SLC35F4: variants seen among roughly 807,000 people sequenced by gnomAD.
SLC35F4 encodes the protein solute carrier family 35 member F4, also known as chromosome 14 open reading frame 36.
A neutral mutation model predicts 44.2 loss-of-function variants in SLC35F4; 24 were observed. That is an observed-to-expected ratio of 0.54 (90% CI 0.39 to 0.76). The LOEUF (loss-of-function observed/expected upper bound fraction) is 0.76. Ranked by LOEUF, SLC35F4 falls within the 30% of genes least tolerant of loss-of-function variation. SLC35F4 has a pLI of 0.00. For synonymous variants in SLC35F4, 238 were observed against 223.6 expected, an observed-to-expected ratio of 1.06 and a Z score of -0.57; for missense variants, 562 against 586.1, an observed-to-expected ratio of 0.96 and a Z score of 0.42.
At chr14:57,627,475 A>T (rs2072533008) in intron 1 of SLC35F4, among the ~76,000 whole-genome samples, 1 of 150,100 alleles carries the variant, frequency 6.7e-6, no homozygotes, top group African/African-American at 2.5e-5. Context: ...CTAATTGCTT[A>T]TGGAATTATA....
At chr14:57,855,700 A>C (rs567547787) in intron 1 of SLC35F4, among the ~76,000 whole-genome samples, 60 of 152,346 alleles carry the variant, frequency 3.9e-4, no homozygotes, top group Non-Finnish European at 5.7e-4. Context: ...TATATACCCA[A>C]AAGATTATAA....
intron 6 of SLC35F4, among the ~76,000 whole-genome samples, chr14:57,568,580 T>C (rs1255429518): frequency 1.3e-5 from 2 of 152,164 alleles, no homozygotes; most frequent in African/African-American, 2.4e-5. Flanking sequence ...CAACAATTAA[T>C]GTTTGATCCT....
chr14:57,759,768 T>C (rs1372446599), intron 1 of SLC35F4, among the ~76,000 whole-genome samples: 1 of 152,152 alleles, frequency 6.6e-6, no homozygotes, highest in African/African-American at 2.4e-5. Context: ...TGATTAGTAA[T>C]GTTGAGCATC....
intron 1 of SLC35F4, among the ~76,000 whole-genome samples, chr14:57,863,754 C>T (rs577295261): frequency 9.9e-5 from 15 of 152,270 alleles, no homozygotes; most frequent in African/African-American, 3.1e-4. Context: ...TCTCTACTTC[C>T]GAAAGCATGA....
At chr14:57,948,747 C>T (rs547776704) in intron 1 of SLC35F4, among the ~76,000 whole-genome samples, 6 of 151,982 alleles carry the variant, frequency 3.9e-5, no homozygotes, top group South Asian at 2.1e-4. Flanking sequence ...TATTATCATT[C>T]GGTTCAAATA....
intron 1 of SLC35F4, among the ~76,000 whole-genome samples, chr14:57,679,229 A>C (rs2074805160): frequency 6.6e-6 from 1 of 152,120 alleles, no homozygotes; most frequent in Admixed American, 6.5e-5. Context: ...CTCACTCAAA[A>C]CCGCACAACT....
intron 1 of SLC35F4, among the ~76,000 whole-genome samples, chr14:57,708,427 T>C (rs1037239604): frequency 6.6e-6 from 1 of 152,254 alleles, no homozygotes; most frequent in Non-Finnish European, 1.5e-5. Flanking sequence ...TGTGAATTAC[T>C]CTTTCTCCTT....
At position 57,656,150 on chromosome 14, in the gene SLC35F4, T is replaced by C. The variant is rs145426549; in HGVS notation, c.104-62026A>G. Among the ~76,000 whole-genome samples the C allele has an allele frequency of 8.1e-4, 123 of 152,106 alleles. 1 individual carries two copies. The highest frequency in any genetic ancestry group is 2.7e-3 in the African/African-American group (110 of 41,496). On this transcript the variant is annotated intron_variant, in intron 1 of 7. Coordinates refer to ENST00000556826, the MANE Select transcript of SLC35F4 (RefSeq NM_001306087.2). ...CCTACCTGCCCTGCCAGCCCCATCT[T>C]CTACTACTCCCCTTCCTATCTTGCG...
At chr14:57,765,440 T>C (rs2077214046) in intron 1 of SLC35F4, among the ~76,000 whole-genome samples, 1 of 152,224 alleles carries the variant, frequency 6.6e-6, no homozygotes, top group Non-Finnish European at 1.5e-5. Flanking sequence ...CCATTCTGCA[T>C]TGAGAACCAC....
At chr14:57,772,650 T>A (rs1471272539) in intron 1 of SLC35F4, among the ~76,000 whole-genome samples, 2 of 152,236 alleles carry the variant, frequency 1.3e-5, no homozygotes, top group Admixed American at 1.3e-4. Flanking sequence ...TTAGTTCACT[T>A]AGAACAATAG....
intron 1 of SLC35F4, among the ~76,000 whole-genome samples, chr14:57,970,380 G>A (rs1881017341): frequency 6.6e-6 from 1 of 152,180 alleles, no homozygotes; most frequent in East Asian, 1.9e-4. Flanking sequence ...AAGCCATGGA[G>A]TTGCCGTCAG....
chr14:57,808,113 G>C (rs11625338), intron 1 of SLC35F4, among the ~76,000 whole-genome samples: 57,456 of 151,640 alleles, frequency 0.38, 11,761 homozygotes, highest in African/African-American at 0.49. Context: ...TACAATTCAA[G>C]GTGAGAGTTG....
intron 1 of SLC35F4, among the ~76,000 whole-genome samples, chr14:57,904,008 G>A (rs1889062452): frequency 6.6e-6 from 1 of 152,342 alleles, no homozygotes; most frequent in Non-Finnish European, 1.5e-5. Context: ...AAGAAAAAAA[G>A]TGCTGCTTTT....
chr14:57,833,966 C>T (rs1266785704), intron 1 of SLC35F4, among the ~76,000 whole-genome samples: 1 of 152,222 alleles, frequency 6.6e-6, no homozygotes, highest in East Asian at 1.9e-4. Context: ...CCTCTCTTCA[C>T]ATGTTAAAAT....
chr14:57,709,639 T>C (rs1320304322), intron 1 of SLC35F4, among the ~76,000 whole-genome samples: 2 of 152,182 alleles, frequency 1.3e-5, no homozygotes, highest in Non-Finnish European at 2.9e-5. Context: ...GCTCTTGCTA[T>C]GCATTAGCAA....
chr14:57,858,537 G>C (rs1162384993), intron 1 of SLC35F4, among the ~76,000 whole-genome samples: 3 of 151,834 alleles, frequency 2.0e-5, no homozygotes, highest in African/African-American at 7.3e-5. Flanking sequence ...TTGTGGGGTT[G>C]GGGGAGTGGG....
At chr14:57,839,003 C>T (rs1285099224) in intron 1 of SLC35F4, among the ~76,000 whole-genome samples, 1 of 152,084 alleles carries the variant, frequency 6.6e-6, no homozygotes, top group East Asian at 1.9e-4. Flanking sequence ...TACCGGTACC[C>T]ATATGTCATA....
intron 1 of SLC35F4, among the ~76,000 whole-genome samples, chr14:57,738,194 T>C (rs1005506513): frequency 6.6e-6 from 1 of 152,154 alleles, no homozygotes; most frequent in African/African-American, 2.4e-5. Flanking sequence ...TCTGTACCCA[T>C]CTGTTGATTG....
chr14:57,656,664 A>G (rs1171772458), intron 1 of SLC35F4, among the ~76,000 whole-genome samples: 2 of 152,120 alleles, frequency 1.3e-5, no homozygotes, highest in African/African-American at 4.8e-5. Flanking sequence ...TAAAGTGGGG[A>G]TAACAGGACG....
Sources: allele counts gnomAD v4.1 joint callset (sites outside exome capture counted in the v4.1 genomes callset), GRCh38; gene constraint gnomAD v4.1.1; transcripts MANE v1.5; gene names NCBI Gene and HGNC (gene_info 2026-07-23, HGNC 2026-07-21).